The following CMTM8 variants were observed in gnomAD, a reference collection of about 807,000 sequenced individuals.
CMTM8 encodes CKLF-like MARVEL transmembrane domain-containing protein 8.
Under a neutral mutation model 18.6 loss-of-function variants are expected in CMTM8, and 12 were observed. The observed-to-expected ratio is 0.65, with a 90% CI of 0.41 to 1.05. The LOEUF (loss-of-function observed/expected upper bound fraction) is 1.05, where lower values mean the gene tolerates loss of function less well. CMTM8 is among the 50% of genes least tolerant of loss of function. The pLI is 0.00. For synonymous variants in CMTM8, 87 were observed against 90.6 expected (o/e 0.96, Z 0.23); for missense variants, 217 against 227.2 (o/e 0.95, Z 0.29).
intron 1 of CMTM8, among the ~76,000 whole-genome samples, chr3:32,313,769 G>A (rs75985018): frequency 0.051 from 7,720 of 152,292 alleles, 282 homozygotes; most frequent in Middle Eastern, 0.082. Flanking sequence ...AAGACCAGGT[G>A]AAGAGGGAAG....
At chr3:32,291,589 G>C (rs760162709) in intron 1 of CMTM8, among the ~76,000 whole-genome samples, 3 of 152,218 alleles carry the variant, frequency 2.0e-5, no homozygotes, top group Non-Finnish European at 4.4e-5. Context: ...TACATAGCTA[G>C]AAAGTGAAGC....
chr3:32,336,398 G>A (rs920366116), intron 1 of CMTM8, among the ~76,000 whole-genome samples: 2 of 152,248 alleles, frequency 1.3e-5, no homozygotes, highest in African/African-American at 2.4e-5. Context: ...TGGACCTGAG[G>A]CAGTGCTGGG....
intron 1 of CMTM8, among the ~76,000 whole-genome samples, chr3:32,269,627 A>G (rs1702405639): frequency 6.6e-6 from 1 of 152,172 alleles, no homozygotes; most frequent in Non-Finnish European, 1.5e-5. Flanking sequence ...CTCCCAAGGT[A>G]TGAAAAAGGT....
intron 1 of CMTM8, among the ~76,000 whole-genome samples, chr3:32,325,399 T>TG (rs1405146203): frequency 6.6e-6 from 1 of 152,258 alleles, no homozygotes; most frequent in Non-Finnish European, 1.5e-5. Flanking sequence ...AAGGCCATGC[T>TG]GAGCCATGAA....
At chr3:32,271,455 A>G (rs1170614271) in intron 1 of CMTM8, among the ~76,000 whole-genome samples, 1 of 152,130 alleles carries the variant, frequency 6.6e-6, no homozygotes, top group Non-Finnish European at 1.5e-5. Flanking sequence ...AATTTTCCAT[A>G]TATTGTTTAC....
At chr3:32,325,259 C>G (rs1178659418) in intron 1 of CMTM8, among the ~76,000 whole-genome samples, 1 of 152,174 alleles carries the variant, frequency 6.6e-6, no homozygotes, top group African/African-American at 2.4e-5. Context: ...TCATTACATG[C>G]CTATTTAAAT....
rs953592931 is a variant in CMTM8, at chr3:32,238,901, C to A, written c.-72C>A. ...CTCCCCCGCGCCTGTGTCCCCAGGGCGCAGGGCCGCGCGTCCAGCCCCAGA... is the reference window on the plus strand; with the variant it reads ...CTCCCCCGCGCCTGTGTCCCCAGGGAGCAGGGCCGCGCGTCCAGCCCCAGA... On this transcript the variant is annotated 5_prime_UTR_variant, in exon 1 of 4. Coordinates refer to ENST00000307526, the MANE Select transcript of CMTM8 (RefSeq NM_178868.5). 21 of 1,432,832 alleles carry A rather than the reference C, an allele frequency of 1.5e-5. No individual in the cohort carries two copies. The highest frequency in any genetic ancestry group is 1.7e-5 in the Non-Finnish European group (18 of 1,081,234). The allele number at this position is 1,432,832 out of a possible 1,614,324, so 88.8% of individuals were successfully genotyped here. A position where few individuals can be genotyped will look rare whatever the true frequency, so the allele number is the denominator to read the frequency against.
intron 1 of CMTM8, among the ~76,000 whole-genome samples, chr3:32,319,074 A>ATATTTTTTTTTTTTT: frequency 5.1e-4 from 16 of 31,528 alleles, no homozygotes; most frequent in East Asian, 1.6e-3. Context: ...ATATATATAT[A>ATATTTTTTTTTTTTT]TTTTTTTTTT....
chr3:32,300,383 G>T (rs905581733), intron 1 of CMTM8, among the ~76,000 whole-genome samples: 2 of 152,180 alleles, frequency 1.3e-5, no homozygotes, highest in African/African-American at 4.8e-5. Flanking sequence ...ACACAGAAAA[G>T]TAGGGGAAAT....
At chr3:32,280,152 A>T (rs1033399639) in intron 1 of CMTM8, among the ~76,000 whole-genome samples, 1 of 152,176 alleles carries the variant, frequency 6.6e-6, no homozygotes, top group Admixed American at 6.5e-5. Flanking sequence ...TCACATGGCC[A>T]TTCTCAGTCC....
chr3:32,332,841 A>AT (rs1696306673), intron 1 of CMTM8, among the ~76,000 whole-genome samples: 1 of 152,102 alleles, frequency 6.6e-6, no homozygotes, highest in Admixed American at 6.6e-5. Flanking sequence ...TGGTCCTCAA[A>AT]AGGCCCCCCT....
chr3:32,362,286 G>T (rs1222652435), intron 2 of CMTM8, among the ~76,000 whole-genome samples: 1 of 151,824 alleles, frequency 6.6e-6, no homozygotes, highest in Non-Finnish European at 1.5e-5. Flanking sequence ...CAGGTAATCT[G>T]CCCGTCTTCG....
intron 1 of CMTM8, among the ~76,000 whole-genome samples, chr3:32,303,536 TGTTTG>T (rs895280267): frequency 3.9e-5 from 6 of 152,154 alleles, no homozygotes; most frequent in African/African-American, 1.2e-4. Context: ...CAGGAAATAC[TGTTTG>T]GTTCTCATAC....
In CMTM8 at chr3:32,261,103, T is replaced by A. The variant is rs190209541; in HGVS notation, c.147+21984T>A. Among the ~76,000 whole-genome samples the A allele has an allele frequency of 8.6e-4, 130 of 151,218 alleles. 1 individual carries two copies. Among genetic ancestry groups the A allele is most frequent in the Non-Finnish European group, 1.7e-3 (118 of 67,912 alleles). ...CAGGTGTGGCGGTGCATGACTGTAG[T>A]CCCAGACACTTGGGAGGCTGAGGCA... is the stretch of plus-strand genomic sequence containing the variant. On this transcript the variant is annotated intron_variant, in intron 1 of 3. Coordinates refer to ENST00000307526, the MANE Select transcript of CMTM8 (RefSeq NM_178868.5).
intron 1 of CMTM8, among the ~76,000 whole-genome samples, chr3:32,244,289 G>T (rs1435668380): frequency 6.6e-6 from 1 of 152,130 alleles, no homozygotes. Context: ...TCCTGGGCTC[G>T]AACAGTCCTC....
At chr3:32,360,570 C>A (rs9882634) in intron 2 of CMTM8, among the ~76,000 whole-genome samples, 2 of 152,198 alleles carry the variant, frequency 1.3e-5, no homozygotes, top group Admixed American at 6.5e-5. Flanking sequence ...TTTTCCACTG[C>A]CCAGCAGAAT....
At chr3:32,351,576 G>A (rs1696708281) in intron 1 of CMTM8, among the ~76,000 whole-genome samples, 1 of 151,990 alleles carries the variant, frequency 6.6e-6, no homozygotes, top group East Asian at 1.9e-4. Context: ...TTAGCCAGAT[G>A]TGGTGTATTC....
intron 1 of CMTM8, among the ~76,000 whole-genome samples, chr3:32,247,078 GT>G (rs1559360612): frequency 1.3e-5 from 2 of 152,080 alleles, no homozygotes; most frequent in African/African-American, 4.8e-5. Context: ...TCTAACCTGC[GT>G]GACAGAGTGA....
intron 1 of CMTM8, among the ~76,000 whole-genome samples, chr3:32,297,632 G>A (rs1029315619): frequency 1.3e-5 from 2 of 152,014 alleles, no homozygotes; most frequent in South Asian, 2.1e-4. Context: ...AGGCTGCTTT[G>A]TCTGTCTGAA....
Sources: allele counts gnomAD v4.1 joint callset (sites outside exome capture counted in the v4.1 genomes callset), GRCh38; gene constraint gnomAD v4.1.1; transcripts MANE v1.5; gene names NCBI Gene and HGNC (gene_info 2026-07-23, HGNC 2026-07-21).